EYS: variants seen among roughly 807,000 people sequenced by gnomAD.
EYS encodes protein eyes shut homolog.
In EYS, 250 loss-of-function variants were observed where a neutral mutation model predicts 282.1. The ratio of observed to expected loss-of-function variants is 0.89; its 90% CI spans 0.80 to 0.98. The LOEUF is 0.98. EYS is among the 50% of genes least tolerant of loss of function. The probability of loss-of-function intolerance (pLI) is 0.00; values close to 1 mark genes in which losing one functional copy is unlikely to be tolerated. For missense variants in EYS, 4,016 were observed against 3,709.0 expected, an observed-to-expected ratio of 1.08 and a Z score of -2.15; for synonymous variants, 1,355 against 1,282.9, an observed-to-expected ratio of 1.06 and a Z score of -1.20.
At chr6:63,792,636 T>C (rs1770546510) in intron 37 of EYS, among the ~76,000 whole-genome samples, 1 of 151,900 alleles carries the variant, frequency 6.6e-6, no homozygotes, top group Admixed American at 6.6e-5. Context: ...CTAGAACCTG[T>C]CTTATACCAC....
At chr6:63,847,180 A>G (rs1772121731) in intron 36 of EYS, among the ~76,000 whole-genome samples, 1 of 152,192 alleles carries the variant, frequency 6.6e-6, no homozygotes, top group East Asian at 1.9e-4. Context: ...TTGTGACTTG[A>G]TTATATAAGA....
At chr6:65,568,332 A>G (rs940535408) in intron 2 of EYS, among the ~76,000 whole-genome samples, 2 of 146,034 alleles carry the variant, frequency 1.4e-5, no homozygotes, top group Non-Finnish European at 3.0e-5. Flanking sequence ...TAACCTCAAG[A>G]TGGTATATAA....
At chr6:64,505,541 G>A (rs1457377032) in intron 26 of EYS, among the ~76,000 whole-genome samples, 1 of 152,122 alleles carries the variant, frequency 6.6e-6, no homozygotes. Context: ...ACTCAGGCAG[G>A]CTGCCAGTCT....
chr6:64,048,452 A>G lies in EYS; in HGVS notation c.6725+17886T>C, dbSNP rs569707212. On this transcript the variant is annotated intron_variant, in intron 33 of 42. Coordinates refer to ENST00000503581, the MANE Select transcript of EYS (RefSeq NM_001142800.2). ...GGGAGGAAAATGACCGTGCCTTGTC[A>G]TAGTCATCCGTGCTGTGACCTGAGC... Among the ~76,000 whole-genome samples, 5 of 152,066 alleles carry G rather than the reference A, an allele frequency of 3.3e-5. No homozygotes were observed. The South Asian group carries it at 8.3e-4, about 25-fold the overall frequency.
At position 64,637,565 on chromosome 6, in the gene EYS, C is replaced by T. The variant is rs180712421; in HGVS notation, c.3444-11320G>A. 7.8e-4 allele frequency among the ~76,000 whole-genome samples: 69 copies of T among 88,828 alleles called. 29 individuals are homozygous for T. In the Admixed American group the frequency reaches 7.9e-3, roughly 10 times the overall value. 58.3% of individuals were successfully genotyped at this position (88,828 alleles called of 152,430 possible). On this transcript the variant is annotated intron_variant, in intron 22 of 42. Coordinates refer to ENST00000503581, the MANE Select transcript of EYS (RefSeq NM_001142800.2). ...ATATGTAACTAACCTGCACATTGTGCACATGAACCCTAAAACTTAAAGTAT... is the reference window on the plus strand; with the variant it reads ...ATATGTAACTAACCTGCACATTGTGTACATGAACCCTAAAACTTAAAGTAT...
chr6:64,786,285 CAG>C (rs1202316302), intron 22 of EYS, among the ~76,000 whole-genome samples: 3 of 150,150 alleles, frequency 2.0e-5, no homozygotes, highest in Non-Finnish European at 4.4e-5. Flanking sequence ...TGTACAGAGA[CAG>C]AGGGGTGGGC....
chr6:65,412,399 GA>G (rs1463909028), intron 5 of EYS, among the ~76,000 whole-genome samples: 3 of 152,144 alleles, frequency 2.0e-5, no homozygotes, highest in Non-Finnish European at 2.9e-5. Context: ...AGTTTTTAAA[GA>G]AACTGTCAAA....
chr6:65,491,135 A>G (rs1766027648), intron 4 of EYS, among the ~76,000 whole-genome samples: 1 of 152,118 alleles, frequency 6.6e-6, no homozygotes, highest in East Asian at 1.9e-4. Flanking sequence ...ACAATTCAAA[A>G]GCAGAAATGG....
chr6:65,352,785 T>C (rs1167470202), intron 9 of EYS, among the ~76,000 whole-genome samples: 1 of 151,952 alleles, frequency 6.6e-6, no homozygotes, highest in Non-Finnish European at 1.5e-5. Flanking sequence ...TTCTATTCCT[T>C]TTAGAAGAGA....
At chr6:64,784,230 AT>A (rs1562189996) in intron 22 of EYS, among the ~76,000 whole-genome samples, 1 of 151,458 alleles carries the variant, frequency 6.6e-6, no homozygotes, top group South Asian at 2.1e-4. Flanking sequence ...TTCATTGTTT[AT>A]TTTTTAAATT....
chr6:64,827,500 C>A (rs1562212895), intron 19 of EYS, among the ~76,000 whole-genome samples: 1 of 151,806 alleles, frequency 6.6e-6, no homozygotes, highest in African/African-American at 2.4e-5. Context: ...AAATAGTCAG[C>A]TTAACTACTA....
rs557801617 is a variant in EYS, at chr6:64,931,737, C to A, written c.2381+14056G>T. 1.3e-3 allele frequency among the ~76,000 whole-genome samples: 197 copies of A among 152,106 alleles called. 2 individuals are homozygous for A. Among genetic ancestry groups the A allele is most frequent in the African/African-American group, 4.6e-3 (189 of 41,520 alleles). ...GACAGAATATTATTTATCACCATAA[C>A]CCTGAGACATTACTATTGTTGATTC... On this transcript the variant is annotated intron_variant, in intron 15 of 42. Transcript: ENST00000503581.
intron 1 of EYS, among the ~76,000 whole-genome samples, chr6:65,686,112 G>A (rs192060583): frequency 6.6e-6 from 1 of 152,110 alleles, no homozygotes; most frequent in Admixed American, 6.6e-5. Context: ...TCTAATGATA[G>A]CCAGATGCAG....
chr6:65,263,678 C>A (rs1432585652), intron 12 of EYS, among the ~76,000 whole-genome samples: 1 of 148,508 alleles, frequency 6.7e-6, no homozygotes, highest in East Asian at 2.0e-4. Flanking sequence ...AGAACTTCAA[C>A]CTAAAAAGCA....
At chr6:65,517,341 C>CGAA (rs1767178011) in intron 2 of EYS, among the ~76,000 whole-genome samples, 1 of 145,036 alleles carries the variant, frequency 6.9e-6, no homozygotes, top group South Asian at 2.1e-4. Flanking sequence ...AAAACAACAA[C>CGAA]AAAAAAAAAA....
chr6:64,084,657 C>G (rs1000531340), intron 31 of EYS, among the ~76,000 whole-genome samples: 3 of 152,088 alleles, frequency 2.0e-5, no homozygotes, highest in Non-Finnish European at 2.9e-5. Flanking sequence ...AGCAGTGGTT[C>G]CAAGAACCTT....
intron 22 of EYS, among the ~76,000 whole-genome samples, chr6:64,723,994 T>A (rs1771671993): frequency 6.6e-6 from 1 of 152,192 alleles, no homozygotes; most frequent in South Asian, 2.1e-4. Flanking sequence ...TCTATCAGCC[T>A]CCATCTGCTA....
intron 19 of EYS, among the ~76,000 whole-genome samples, chr6:64,843,959 C>A (rs1454162220): frequency 6.6e-6 from 1 of 152,090 alleles, no homozygotes; most frequent in South Asian, 2.1e-4. Context: ...CCATACTATT[C>A]TTGTGGTAGT....
intron 39 of EYS, among the ~76,000 whole-genome samples, chr6:63,779,604 A>G (rs564473491): frequency 1.3e-5 from 2 of 152,304 alleles, no homozygotes; most frequent in South Asian, 4.1e-4. Flanking sequence ...CTCCTTTAGC[A>G]GTTACTTATA....
Sources: allele counts gnomAD v4.1 joint callset (sites outside exome capture counted in the v4.1 genomes callset), GRCh38; gene constraint gnomAD v4.1.1; transcripts MANE v1.5; gene names NCBI Gene and HGNC (gene_info 2026-07-23, HGNC 2026-07-21).